AGPAT5: variants seen among roughly 807,000 people sequenced by gnomAD.
The protein encoded by AGPAT5 is 1-acyl-sn-glycerol-3-phosphate acyltransferase epsilon.
A neutral mutation model predicts 45.6 loss-of-function variants in AGPAT5; 46 were observed. The observed-to-expected ratio is 1.01, with a 90% CI of 0.80 to 1.29. The LOEUF (loss-of-function observed/expected upper bound fraction) is 1.29. AGPAT5 is among the 50% of genes most tolerant of loss of function. The probability of loss-of-function intolerance (pLI) is 0.00; values close to 1 mark genes in which losing one functional copy is unlikely to be tolerated. For missense variants in AGPAT5, 673 were observed against 450.7 expected (o/e 1.49, Z -4.47); for synonymous variants, 272 against 167.0 (o/e 1.63, Z -4.85).
chr8:6,754,750 G>A (rs1801775494), intron 6 of AGPAT5, among the ~76,000 whole-genome samples: 1 of 152,126 alleles, frequency 6.6e-6, no homozygotes, highest in Non-Finnish European at 1.5e-5. Flanking sequence ...TTCCTGGGCT[G>A]TCTATAGCAC....
chr8:6,735,354 G>A lies in AGPAT5; in HGVS notation c.495+2704G>A, dbSNP rs148423220. Among the ~76,000 whole-genome samples the A allele has an allele frequency of 7.2e-5, 11 of 152,230 alleles. No individual in the cohort carries two copies. In the East Asian group the frequency reaches 7.7e-4, roughly 11 times the overall value. ...AGCCTACATCCAGTCTTCCCTGACC[G>A]CAGTGTGTTTTCCTTTTTCTTTGTC... On this transcript the variant is annotated intron_variant, in intron 4 of 7. Coordinates refer to ENST00000285518, the MANE Select transcript of AGPAT5 (RefSeq NM_018361.5).
At chr8:6,738,204 A>AT (rs113954024) in intron 4 of AGPAT5, among the ~76,000 whole-genome samples, 6,797 of 152,258 alleles carry the variant, frequency 0.045, 496 homozygotes, top group African/African-American at 0.15. Context: ...TCACTAAGCC[A>AT]TTTCTAGCTA....
chr8:6,751,246 CTCTA>C (rs1184262749), intron 6 of AGPAT5, among the ~76,000 whole-genome samples: 2 of 152,162 alleles, frequency 1.3e-5, no homozygotes, highest in East Asian at 3.8e-4. Flanking sequence ...TAAATATTAT[CTCTA>C]TATATAGTAG....
intron 1 of AGPAT5, among the ~76,000 whole-genome samples, chr8:6,713,229 C>G (rs1346818855): frequency 6.6e-6 from 1 of 152,192 alleles, no homozygotes; most frequent in Non-Finnish European, 1.5e-5. Context: ...CTTGGCCTCC[C>G]AAAGTGCTGG....
intron 1 of AGPAT5, among the ~76,000 whole-genome samples, chr8:6,718,526 G>C (rs898215372): frequency 1.3e-5 from 2 of 152,208 alleles, no homozygotes; most frequent in African/African-American, 4.8e-5. Flanking sequence ...TAAGCTTTCA[G>C]TGCGAATAAA....
chr8:6,757,123 G>A (rs1801870337), intron 7 of AGPAT5, 40 bp from the exon 8 acceptor site: 1 of 1,500,804 alleles, frequency 6.7e-7, no homozygotes, highest in South Asian at 1.2e-5. Flanking sequence ...TTGAAATACT[G>A]AAGTGACTAA....
intron 5 of AGPAT5, among the ~76,000 whole-genome samples, chr8:6,747,210 G>A (rs1478699159): frequency 6.6e-6 from 1 of 152,224 alleles, no homozygotes; most frequent in Non-Finnish European, 1.5e-5. Context: ...AAGGAATGAA[G>A]CACTGAGTCC....
rs369742435 is a variant in AGPAT5 at position 6,732,557 on chromosome 8, G to A, written c.406-4G>A. On this transcript the variant is annotated splice_region_variant and splice_polypyrimidine_tract_variant and intron_variant, in intron 3 of 7. Coordinates refer to ENST00000285518, the MANE Select transcript of AGPAT5 (RefSeq NM_018361.5). ...TGCTCTTTCTCCCGATTTGATTGTG[G>A]CAGCATGGAGGAATCTATGTAAAGC... The A allele has an allele frequency of 1.5e-5, 24 of 1,591,388 alleles. No homozygotes were observed. The East Asian group carries it at 1.8e-4, about 12-fold the overall frequency.
At chr8:6,709,129 C>A (rs1225246693) in intron 1 of AGPAT5, 2 of 578,074 alleles carry the variant, frequency 3.5e-6, no homozygotes, top group South Asian at 2.0e-5. Flanking sequence ...CCCCTTTCCC[C>A]GCCCCTCGCC....
At chr8:6,718,590 T>C (rs544909289) in intron 1 of AGPAT5, among the ~76,000 whole-genome samples, 48 of 152,350 alleles carry the variant, frequency 3.2e-4, no homozygotes, top group Non-Finnish European at 6.2e-4. Context: ...CTGATTTTAC[T>C]GGGCAAGACT....
At chr8:6,722,945 AAAAG>A (rs1439924216) in intron 1 of AGPAT5, among the ~76,000 whole-genome samples, 2 of 152,242 alleles carry the variant, frequency 1.3e-5, no homozygotes, top group African/African-American at 4.8e-5. Flanking sequence ...ATGAAAAACA[AAAAG>A]AAAAGCCGTA....
intron 1 of AGPAT5, among the ~76,000 whole-genome samples, chr8:6,712,783 C>G (rs1027437290): frequency 3.3e-5 from 5 of 152,194 alleles, no homozygotes; most frequent in South Asian, 4.1e-4. Context: ...GCTGCATAAA[C>G]AATAACTGTA....
At chr8:6,728,374 C>G (rs573031007) in intron 2 of AGPAT5, among the ~76,000 whole-genome samples, 5 of 152,304 alleles carry the variant, frequency 3.3e-5, no homozygotes, top group African/African-American at 9.6e-5. Flanking sequence ...TGAGAATAAA[C>G]AAGAAATAAA....
chr8:6,732,750 A>G (rs776124883), intron 4 of AGPAT5, 100 bp downstream of exon 4: 109 of 1,061,078 alleles, frequency 1.0e-4, no homozygotes, highest in Admixed American at 1.9e-4. Flanking sequence ...GTATTTTCCC[A>G]TGTGTAATTA....
chr8:6,727,527 A>C (rs192260076), intron 2 of AGPAT5, among the ~76,000 whole-genome samples: 126 of 152,080 alleles, frequency 8.3e-4, no homozygotes, highest in Middle Eastern at 6.8e-3. Flanking sequence ...GATTACAGAC[A>C]TGCACCACCA....
intron 6 of AGPAT5, among the ~76,000 whole-genome samples, chr8:6,750,060 A>C (rs1285546878): frequency 6.6e-6 from 1 of 152,138 alleles, no homozygotes; most frequent in Non-Finnish European, 1.5e-5. Context: ...CCTGCTTTCC[A>C]CAGGAAACCA....
intron 7 of AGPAT5, 61 bp from the exon 8 acceptor site, chr8:6,757,102 T>C (rs1183926654): frequency 2.3e-6 from 3 of 1,295,074 alleles, no homozygotes; most frequent in Non-Finnish European, 2.2e-6. Flanking sequence ...ACCTGATTGA[T>C]ATTTTTTGAA....
intron 1 of AGPAT5, among the ~76,000 whole-genome samples, chr8:6,712,894 T>G (rs920256757): frequency 6.6e-6 from 1 of 152,252 alleles, no homozygotes. Flanking sequence ...TTTCTTTGCT[T>G]CTTTTTTAAA....
At chr8:6,742,181 T>G (rs1213541443) in intron 5 of AGPAT5, among the ~76,000 whole-genome samples, 1 of 152,204 alleles carries the variant, frequency 6.6e-6, no homozygotes, top group Admixed American at 6.5e-5. Flanking sequence ...TGAGCTTGCT[T>G]CTTCATCTCT....
Sources: gnomAD v4.1 joint callset for allele counts (sites outside exome capture counted in the v4.1 genomes callset) on GRCh38, gnomAD v4.1.1 for gene constraint, MANE v1.5 for transcripts, NCBI Gene and HGNC (gene_info 2026-07-23, HGNC 2026-07-21) for gene names.